The following HEPH variants were observed in gnomAD, a reference collection of about 807,000 sequenced individuals.
HEPH encodes the protein hephaestin.
In HEPH, 69 loss-of-function variants were observed where a neutral mutation model predicts 80.8. That is an observed-to-expected ratio of 0.85 (90% CI 0.70 to 1.04). HEPH has a LOEUF of 1.04. Ranked by LOEUF, HEPH falls within the 50% of genes least tolerant of loss-of-function variation. HEPH has a pLI of 0.00. For missense variants in HEPH, 1,115 were observed against 891.3 expected, an observed-to-expected ratio of 1.25 and a Z score of -3.20; for synonymous variants, 431 against 322.8, an observed-to-expected ratio of 1.34 and a Z score of -3.60.
At position 66,189,938 on chromosome X, in the gene HEPH, G is replaced by A. The variant is rs771690319; in HGVS notation, c.1063G>A (p.Asp355Asn). Reference protein sequence around the residue: ...ISCQVNSHFRDGMQALYKVKS... With the variant: ...ISCQVNSHFRNGMQALYKVKS... Reference sequence around the variant, plus strand: ...CTGCCAAGTGAACAGTCACTTTCGAGGTGAGATCCAACATTTCTGACCATT... The same window carrying A: ...CTGCCAAGTGAACAGTCACTTTCGAAGTGAGATCCAACATTTCTGACCATT... Residue 355 changes from aspartate to asparagine, a missense_variant and splice_region_variant, in exon 6 of 21, where the codon GAT (aspartate) becomes AAT (asparagine). Physicochemically the swap from Asp to Asn is conservative, Grantham distance 23. Transcript: ENST00000343002. The A allele has an allele frequency of 8.5e-7, 1 of 1,172,195 alleles. No homozygotes were observed.
upstream of HEPH, chrX:66,162,718 C>T: frequency 8.7e-7 from 1 of 1,155,279 alleles, no homozygotes; most frequent in South Asian, 1.9e-5. Flanking sequence ...TTAAGAATCT[C>T]TAGTGGTTTA....
At chrX:66,199,090 C>A in intron 11 of HEPH, 62 bp downstream of exon 11, 3 of 1,075,942 alleles carry the variant, frequency 2.8e-6, no homozygotes, top group South Asian at 2.0e-5. Context: ...TAACTTTAAC[C>A]GTAATCATGA....
At chrX:66,240,639 A>G (rs7887070) in intron 15 of HEPH, among the ~76,000 whole-genome samples, 10 of 110,821 alleles carry the variant, frequency 9.0e-5, no homozygotes, top group Non-Finnish European at 5.7e-5. Context: ...AAGAAAAGTT[A>G]TAGCAATTTT....
At chrX:66,219,400 T>A (rs985607742) in intron 15 of HEPH, among the ~76,000 whole-genome samples, 2 of 111,873 alleles carry the variant, frequency 1.8e-5, no homozygotes, top group African/African-American at 6.5e-5. Flanking sequence ...ATTAGTAAGG[T>A]TAAATTTTCT....
intron 4 of HEPH, among the ~76,000 whole-genome samples, chrX:66,180,273 CT>C (rs1319756513): frequency 3.6e-5 from 4 of 111,111 alleles, no homozygotes; most frequent in African/African-American, 1.3e-4. Flanking sequence ...TTTAGAGCTC[CT>C]TTTAGCAGTT....
At chrX:66,232,571 G>C (rs987481374) in intron 15 of HEPH, among the ~76,000 whole-genome samples, 1 of 110,836 alleles carries the variant, frequency 9.0e-6, no homozygotes, top group East Asian at 2.8e-4. Flanking sequence ...TTATAAGGTT[G>C]GTTAATATGT....
In HEPH at chrX:66,188,396, T is replaced by G; in HGVS notation, c.663T>G (p.Asp221Glu). Residue 221 changes from aspartate to glutamate, a missense_variant, in exon 5 of 21, where the codon GAT (aspartate) becomes GAG (glutamate). This residue lies in a region of HEPH where 391 missense variants were observed against 343.6 expected (regional missense o/e 1.14). Transcript: ENST00000343002. The stretch of plus-strand genomic sequence containing the variant: ...GGAACTCCCCTCCTCAACGCCAGGA[T>G]GTAGACCATGATTTCTTCCTCCTCT... ...LDGNSPPQRQ[D>E]VDHDFFLLFS... 8.3e-7 allele frequency: 1 copy of G among 1,201,728 alleles called. No individual in the cohort carries two copies.
At chrX:66,254,614 A>C (rs2091111326) in intron 15 of HEPH, among the ~76,000 whole-genome samples, 1 of 110,944 alleles carries the variant, frequency 9.0e-6, no homozygotes, top group African/African-American at 3.3e-5. Flanking sequence ...TGAAGTCAGA[A>C]AGGTGACTAA....
rs763010847 is a variant in HEPH, at chrX:66,198,889, TA to T, written c.1728del (p.Glu577AsnfsTer94). The T allele has an allele frequency of 8.4e-7, 1 of 1,197,373 alleles. No individual in the cohort carries two copies. The highest frequency in any genetic ancestry group is 1.8e-5 in the African/African-American group (1 of 56,969). ...GADGKQKGVD[K>X]EFFLLFTVLD... Reference sequence around the variant, plus strand: ...TATTGGGCCTGCAGAAAGGGGTGGATAAAGAATTCTTTCTTCTCTTCACTGT... The same window carrying T: ...TATTGGGCCTGCAGAAAGGGGTGGATAAGAATTCTTTCTTCTCTTCACTGT... On this transcript the variant is annotated frameshift_variant, in exon 11 of 21. Coordinates refer to ENST00000343002, the MANE Select transcript of HEPH (RefSeq NM_001367233.3). LOFTEE classifies it high-confidence loss of function.
chrX:66,189,073 G>A, intron 5 of HEPH, among the ~76,000 whole-genome samples: 1 of 112,241 alleles, frequency 8.9e-6, no homozygotes, highest in Non-Finnish European at 1.9e-5. Flanking sequence ...ACCGAGGCAT[G>A]AATATTGAAC....
At chrX:66,258,068 G>T (rs2091240015) in intron 17 of HEPH, among the ~76,000 whole-genome samples, 1 of 111,713 alleles carries the variant, frequency 9.0e-6, no homozygotes, top group South Asian at 3.8e-4. Flanking sequence ...AACATTTATT[G>T]TAGGCTCAGC....
At chrX:66,246,082 C>T (rs1032842458) in intron 15 of HEPH, among the ~76,000 whole-genome samples, 13 of 111,826 alleles carry the variant, frequency 1.2e-4, no homozygotes, top group African/African-American at 4.2e-4. Flanking sequence ...AGAGTCCCAG[C>T]AGAAGTGGGA....
chrX:66,203,086 A>G (rs2088557879), intron 12 of HEPH, among the ~76,000 whole-genome samples: 1 of 109,570 alleles, frequency 9.1e-6, no homozygotes, highest in African/African-American at 3.3e-5. Flanking sequence ...TGCTAAAACT[A>G]GAAACACCCT....
chrX:66,236,093 CT>C (rs1240681491), intron 15 of HEPH, among the ~76,000 whole-genome samples: 1 of 111,527 alleles, frequency 9.0e-6, no homozygotes, highest in African/African-American at 3.3e-5. Context: ...TTCATATTCC[CT>C]TTTTTTATTT....
At chrX:66,245,528 A>G (rs1168162830) in intron 15 of HEPH, among the ~76,000 whole-genome samples, 2 of 111,294 alleles carry the variant, frequency 1.8e-5, no homozygotes, top group African/African-American at 6.5e-5. Flanking sequence ...CACAATAATA[A>G]TGGGAGACTT....
At chrX:66,209,220 G>T (rs1279102905) in intron 15 of HEPH, among the ~76,000 whole-genome samples, 1 of 111,830 alleles carries the variant, frequency 8.9e-6, no homozygotes, top group Non-Finnish European at 1.9e-5. Context: ...TGAAGAAAAG[G>T]GTATTTAATC....
chrX:66,166,760 T>C (rs2086384891), intron 1 of HEPH, among the ~76,000 whole-genome samples: 1 of 112,304 alleles, frequency 8.9e-6, no homozygotes, highest in Non-Finnish European at 1.9e-5. Context: ...TCTAGTTCTT[T>C]ACATTATACC....
chrX:66,229,368 G>A (rs923541710), intron 15 of HEPH, among the ~76,000 whole-genome samples: 6 of 111,362 alleles, frequency 5.4e-5, no homozygotes, highest in East Asian at 2.8e-4. Flanking sequence ...ACCAAATATC[G>A]TATATTCTCA....
At position 66,255,088 on chromosome X, in the gene HEPH, A is replaced by T; in HGVS notation, c.2617A>T (p.Asn873Tyr). The change falls in exon 16 of 21, where the codon AAT becomes TAT. Residue 873 changes from asparagine to tyrosine, a missense_variant. By Grantham distance (143) the Asn-to-Tyr change is moderately radical. Coordinates refer to ENST00000343002, the MANE Select transcript of HEPH (RefSeq NM_001367233.3). ...CCCAGAGAGGTCTGGCCCTGGGCCC[A>T]ATGACTCTGCTTGTGTTTCCTGGAT... Reference protein sequence around the residue: ...NIPERSGPGPNDSACVSWIYY... With the variant: ...NIPERSGPGPYDSACVSWIYY... The T allele has an allele frequency of 8.3e-7, 1 of 1,208,567 alleles. No homozygotes were observed. Among genetic ancestry groups the T allele is most frequent in the Non-Finnish European group, 1.1e-6 (1 of 893,558 alleles).
Sources: gnomAD v4.1 joint callset for allele counts (sites outside exome capture counted in the v4.1 genomes callset) on GRCh38, gnomAD v4.1.1 for gene constraint, gnomAD v4.1.1 regional missense constraint, MANE v1.5 for transcripts, NCBI Gene and HGNC (gene_info 2026-07-23, HGNC 2026-07-21) for gene names.